Variants in LMX1A observed in about 807,000 individuals in gnomAD.
The protein encoded by LMX1A is LIM homeobox transcription factor 1-alpha.
A neutral mutation model predicts 49.1 loss-of-function variants in LMX1A; 15 were observed. The observed-to-expected ratio is 0.31, with a 90% CI of 0.20 to 0.47. The LOEUF (loss-of-function observed/expected upper bound fraction) is 0.47, where lower values mean the gene tolerates loss of function less well. Among genes scored for constraint, LMX1A ranks in the 20% least tolerant of loss-of-function variants. The probability of loss-of-function intolerance (pLI) is 1.00; values close to 1 mark genes in which losing one functional copy is unlikely to be tolerated. For missense variants in LMX1A, 372 were observed against 475.8 expected, an observed-to-expected ratio of 0.78 and a Z score of 2.03; for synonymous variants, 167 against 185.7, an observed-to-expected ratio of 0.90 and a Z score of 0.82.
intron 3 of LMX1A, among the ~76,000 whole-genome samples, chr1:165,264,635 A>G (rs1038763167): frequency 1.3e-5 from 2 of 152,140 alleles, no homozygotes; most frequent in Non-Finnish European, 2.9e-5. Flanking sequence ...CTCAGATCTT[A>G]TAAGGTGAAA....
chr1:165,205,967 G>T lies in LMX1A; in HGVS notation c.885C>A (p.Thr295=), dbSNP rs758662279. The change falls in exon 8 of 9, where the codon ACC becomes ACA. Residue 295 remains threonine (T), a synonymous_variant. Transcript: ENST00000342310. The stretch of plus-strand genomic sequence containing the variant: ...GCTCGATGGCCAGGAGCTGCTGTGG[G>T]GTGGGCAGAGCCGTGTAGGGGTTCA... ...GIMNPYTALP[T]PQQLLAIEQS... 6.2e-7 allele frequency: 1 copy of T among 1,613,456 alleles called. No homozygotes were observed.
intron 3 of LMX1A, among the ~76,000 whole-genome samples, chr1:165,339,822 T>C (rs957761776): frequency 1.3e-5 from 2 of 151,146 alleles, no homozygotes; most frequent in Non-Finnish European, 3.0e-5. Flanking sequence ...GCTTCTCCTC[T>C]ATCACATGGA....
intron 5 of LMX1A, chr1:165,211,066 G>C (rs1369829134): frequency 3.4e-6 from 1 of 296,132 alleles, no homozygotes; most frequent in East Asian, 6.1e-5. Flanking sequence ...AAGTGGTTTA[G>C]ACTTTAGTCT....
intron 3 of LMX1A, among the ~76,000 whole-genome samples, chr1:165,297,496 C>A (rs1438559840): frequency 1.3e-5 from 2 of 152,222 alleles, no homozygotes; most frequent in Non-Finnish European, 2.9e-5. Context: ...CTCTGGCTGT[C>A]CTCAGTTTGC....
At chr1:165,209,961 A>G (rs1651298031) in intron 6 of LMX1A, among the ~76,000 whole-genome samples, 1 of 152,244 alleles carries the variant, frequency 6.6e-6, no homozygotes, top group Non-Finnish European at 1.5e-5. Context: ...TCAGAATTAG[A>G]GGACACCCAG....
intron 3 of LMX1A, among the ~76,000 whole-genome samples, chr1:165,302,885 T>C (rs1654818603): frequency 6.6e-6 from 1 of 152,208 alleles, no homozygotes; most frequent in Non-Finnish European, 1.5e-5. Flanking sequence ...TCCTCCCAGC[T>C]TCTAGGAAGC....
At chr1:165,281,666 T>C (rs111961494) in intron 3 of LMX1A, among the ~76,000 whole-genome samples, 1 of 152,186 alleles carries the variant, frequency 6.6e-6, no homozygotes, top group African/African-American at 2.4e-5. Flanking sequence ...TGTGCATTTA[T>C]GTGTAAACAG....
intron 3 of LMX1A, among the ~76,000 whole-genome samples, chr1:165,288,560 G>A (rs1048297619): frequency 1.3e-5 from 2 of 152,088 alleles, no homozygotes; most frequent in African/African-American, 4.8e-5. Flanking sequence ...GCCAAGATGC[G>A]GTTAAAGATT....
intron 3 of LMX1A, among the ~76,000 whole-genome samples, chr1:165,284,284 A>G (rs1654240433): frequency 6.6e-6 from 1 of 152,244 alleles, no homozygotes; most frequent in African/African-American, 2.4e-5. Context: ...ATGGATTATT[A>G]ACGGTATTGA....
chr1:165,266,290 C>T (rs1019816838), intron 3 of LMX1A, among the ~76,000 whole-genome samples: 3 of 152,090 alleles, frequency 2.0e-5, no homozygotes, highest in Non-Finnish European at 4.4e-5. Context: ...AAGGAATGAG[C>T]CTTACCAATA....
intron 3 of LMX1A, among the ~76,000 whole-genome samples, chr1:165,318,999 T>A (rs866303375): frequency 1.1e-3 from 134 of 117,818 alleles, no homozygotes; most frequent in African/African-American, 4.1e-3. Context: ...TCTCTCTCTC[T>A]CACACACACA....
chr1:165,219,559 C>G (rs1651764449), intron 4 of LMX1A, among the ~76,000 whole-genome samples: 1 of 152,146 alleles, frequency 6.6e-6, no homozygotes, highest in Non-Finnish European at 1.5e-5. Context: ...CTGACAATAG[C>G]AGCGATCAAC....
intron 3 of LMX1A, 23 bp downstream of exon 3, chr1:165,353,053 G>A (rs1475855883): frequency 1.2e-6 from 2 of 1,611,766 alleles, no homozygotes; most frequent in African/African-American, 1.3e-5. Context: ...CGCGGGGAGC[G>A]CTGCGGGGGT....
At chr1:165,265,445 G>A (rs1003370495) in intron 3 of LMX1A, among the ~76,000 whole-genome samples, 3 of 152,174 alleles carry the variant, frequency 2.0e-5, no homozygotes, top group Non-Finnish European at 4.4e-5. Flanking sequence ...TTGCCTTTTG[G>A]CAAAGGAAGA....
chr1:165,299,716 C>T (rs1022489174), intron 3 of LMX1A, among the ~76,000 whole-genome samples: 3 of 150,304 alleles, frequency 2.0e-5, no homozygotes, highest in Non-Finnish European at 4.4e-5. Flanking sequence ...AAACATATTT[C>T]TCTCTTGGAG....
At chr1:165,212,333 C>G (rs866053706) in intron 5 of LMX1A, among the ~76,000 whole-genome samples, 1 of 152,150 alleles carries the variant, frequency 6.6e-6, no homozygotes, top group Admixed American at 6.5e-5. Flanking sequence ...TTGACTTGGC[C>G]TCTTGCTTCC....
chr1:165,275,828 G>T (rs1653947663), intron 3 of LMX1A, among the ~76,000 whole-genome samples: 1 of 146,174 alleles, frequency 6.8e-6, no homozygotes, highest in Non-Finnish European at 1.5e-5. Context: ...GAGCTTTTAT[G>T]GCGCTGGGGT....
Position 165,249,652 on chromosome 1 carries a change from G to A in LMX1A, c.264-12C>T. ...TAACAGCAAACAGCCTGGCAGCAGG[G>A]AGAAAGGAAGTACATGCACCATGAG... is the stretch of plus-strand genomic sequence containing the variant. On this transcript the variant is annotated splice_polypyrimidine_tract_variant and intron_variant, in intron 3 of 8. Transcript: ENST00000342310. The A allele has an allele frequency of 1.2e-6, 2 of 1,606,854 alleles. No homozygotes were observed. The highest frequency in any genetic ancestry group is 1.7e-6 in the Non-Finnish European group (2 of 1,175,098).
chr1:165,329,176 T>C (rs1655669786), intron 3 of LMX1A, among the ~76,000 whole-genome samples: 1 of 152,184 alleles, frequency 6.6e-6, no homozygotes, highest in South Asian at 2.1e-4. Flanking sequence ...AGAGCGTATG[T>C]AACAGGAACT....
Sources: gnomAD v4.1 joint callset for allele counts (sites outside exome capture counted in the v4.1 genomes callset) on GRCh38, gnomAD v4.1.1 for gene constraint, MANE v1.5 for transcripts, NCBI Gene and HGNC (gene_info 2026-07-23, HGNC 2026-07-21) for gene names.